SYNPR: variants seen among roughly 807,000 people sequenced by gnomAD.
SYNPR encodes the protein synaptoporin.
SYNPR carries 23 observed loss-of-function variants against 32.9 expected under a neutral mutation model. The observed-to-expected ratio is 0.70, with a 90% CI of 0.50 to 0.99. SYNPR has a LOEUF of 0.99. SYNPR is among the 50% of genes least tolerant of loss of function. SYNPR has a pLI of 0.00. For synonymous variants in SYNPR, 146 were observed against 135.9 expected, an observed-to-expected ratio of 1.07 and a Z score of -0.52; for missense variants, 318 against 349.3, an observed-to-expected ratio of 0.91 and a Z score of 0.71.
At chr3:63,481,447 A>G (rs62252126) in intron 3 of SYNPR, among the ~76,000 whole-genome samples, 63,474 of 134,316 alleles carry the variant, frequency 0.47, 13,505 homozygotes, top group African/African-American at 0.52. Flanking sequence ...ATATATATAT[A>G]TATATGTGTG....
At chr3:63,475,336 G>A (rs1358660192) in intron 2 of SYNPR, among the ~76,000 whole-genome samples, 1 of 152,186 alleles carries the variant, frequency 6.6e-6, no homozygotes, top group Non-Finnish European at 1.5e-5. Flanking sequence ...GGAGGTGAAT[G>A]ATTGGGCCAG....
At chr3:63,262,962 A>G (rs956093646) in intron 2 of SYNPR, among the ~76,000 whole-genome samples, 1 of 152,216 alleles carries the variant, frequency 6.6e-6, no homozygotes, top group Admixed American at 6.5e-5. Context: ...GGATAAGAGA[A>G]GAGACTGAAA....
At chr3:63,539,857 C>G (rs1702268873) in intron 3 of SYNPR, among the ~76,000 whole-genome samples, 2 of 152,138 alleles carry the variant, frequency 1.3e-5, no homozygotes, top group South Asian at 2.1e-4. Context: ...AATCCCCGGA[C>G]AGAGGGCAGA....
intron 2 of SYNPR, among the ~76,000 whole-genome samples, chr3:63,395,836 G>A (rs6807167): frequency 0.41 from 62,452 of 151,718 alleles, 13,187 homozygotes; most frequent in Middle Eastern, 0.49. Context: ...CATCTGGTGG[G>A]TACAAAGTCA....
chr3:63,284,676 G>T (rs974100851), intron 2 of SYNPR, among the ~76,000 whole-genome samples: 4 of 152,066 alleles, frequency 2.6e-5, no homozygotes, highest in Admixed American at 2.6e-4. Context: ...CGTTTTTCAA[G>T]CAAATATCAT....
chr3:63,509,211 A>G (rs920747944), intron 3 of SYNPR, among the ~76,000 whole-genome samples: 1 of 151,302 alleles, frequency 6.6e-6, no homozygotes, highest in Non-Finnish European at 1.5e-5. Flanking sequence ...ATGTATGTGT[A>G]TATACATATG....
intron 1 of SYNPR, among the ~76,000 whole-genome samples, chr3:63,250,818 C>T (rs1255202293): frequency 6.6e-6 from 1 of 152,062 alleles, no homozygotes; most frequent in Non-Finnish European, 1.5e-5. Flanking sequence ...ACTTTTGGTT[C>T]AAGATGATGT....
In SYNPR at chr3:63,240,690, T is replaced by C. The variant is rs2086234776; in HGVS notation, n.67-11809T>C. Among the ~76,000 whole-genome samples the C allele has an allele frequency of 3.3e-5, 5 of 152,122 alleles. No individual in the cohort carries two copies. The South Asian group carries it at 1.0e-3, about 31-fold the overall frequency. ...GAGATATCCATCATTGCGAAGGACA[T>C]TATTGCAAGGGCCATGACCTGCACT... is the stretch of plus-strand genomic sequence containing the variant. On this transcript the variant is annotated intron_variant and non_coding_transcript_variant, in intron 1 of 4. Transcript: ENST00000478456.
intron 2 of SYNPR, among the ~76,000 whole-genome samples, chr3:63,425,057 C>T (rs1173991347): frequency 6.6e-6 from 1 of 152,206 alleles, no homozygotes; most frequent in African/African-American, 2.4e-5. Context: ...TCCTGCTGCC[C>T]TTACCTCTCT....
chr3:63,242,925 A>T (rs2086259249), intron 1 of SYNPR, among the ~76,000 whole-genome samples: 1 of 152,086 alleles, frequency 6.6e-6, no homozygotes. Flanking sequence ...AATAAAAATT[A>T]TAACTCACTG....
At chr3:63,239,268 C>G (rs2086220612) in intron 1 of SYNPR, among the ~76,000 whole-genome samples, 1 of 92,596 alleles carries the variant, frequency 1.1e-5, no homozygotes, top group Non-Finnish European at 2.5e-5. Flanking sequence ...CACACACATC[C>G]TACCATTGTC....
rs2086597174 is a variant in SYNPR at position 63,278,508 on chromosome 3, A to T, written c.-26A>T. 2 of 1,546,454 alleles carry T rather than the reference A, an allele frequency of 1.3e-6. No individual in the cohort carries two copies. The highest frequency in any genetic ancestry group is 4.9e-5 in the East Asian group (2 of 40,780). The stretch of plus-strand genomic sequence containing the variant: ...CTTCATTTTTAAAAAGAACTGGTGG[A>T]TGAGAAGAGCGAGCGAGGGCGAGCT... On this transcript the variant is annotated 5_prime_UTR_variant, in exon 1 of 6. It removes an upstream start codon present in the reference 5' UTR. Coordinates refer to ENST00000478300, the MANE Select transcript of SYNPR (RefSeq NM_001130003.2).
rs138592320 is a variant in SYNPR, at chr3:63,383,287, G to A, written c.85-97545G>A. ...GCACTGGAGGTCAAGGGTTAAATTGGAAAAGAGCATAAAATAAGATGCAAT... is the reference window on the plus strand; with the variant it reads ...GCACTGGAGGTCAAGGGTTAAATTGAAAAAGAGCATAAAATAAGATGCAAT... On this transcript the variant is annotated intron_variant, in intron 2 of 5. Coordinates refer to ENST00000478300, the MANE Select transcript of SYNPR (RefSeq NM_001130003.2). Among the ~76,000 whole-genome samples the A allele has an allele frequency of 2.8e-3, 424 of 152,260 alleles. 1 individual carries two copies. Among genetic ancestry groups the A allele is most frequent in the Non-Finnish European group, 4.5e-3 (309 of 68,012 alleles).
intron 2 of SYNPR, among the ~76,000 whole-genome samples, chr3:63,266,496 A>C (rs1400337197): frequency 6.6e-6 from 1 of 152,028 alleles, no homozygotes; most frequent in Non-Finnish European, 1.5e-5. Flanking sequence ...TGAGGTCAGG[A>C]GTTCGAGACC....
intron 3 of SYNPR, among the ~76,000 whole-genome samples, chr3:63,539,630 A>T (rs1242569422): frequency 6.6e-6 from 1 of 152,144 alleles, no homozygotes; most frequent in Non-Finnish European, 1.5e-5. Flanking sequence ...AGCTATCTTA[A>T]TTTGGGTTTC....
intron 3 of SYNPR, among the ~76,000 whole-genome samples, chr3:63,505,143 T>G (rs1190503769): frequency 1.3e-5 from 2 of 152,126 alleles, no homozygotes; most frequent in African/African-American, 2.4e-5. Context: ...CCAAGCGCTT[T>G]AGACACATGT....
rs1028024033 is a variant in SYNPR, at chr3:63,278,715, C to G, written c.57C>G (p.Pro19=). Residue 19 remains proline, a synonymous_variant, in exon 2 of 6, where the codon CCC becomes CCG. Coordinates refer to ENST00000478300, the MANE Select transcript of SYNPR (RefSeq NM_001130003.2). Reference sequence around the variant, plus strand: ...GCACCTTCCGGGTGCTGAAGGAGCCCCTTGCCTTCCTGCGAGCCCTGGAAT... The same window carrying G: ...GCACCTTCCGGGTGCTGAAGGAGCCGCTTGCCTTCCTGCGAGCCCTGGAAT... ...SAGTFRVLKE[P]LAFLRALELL... 2 of 1,551,566 alleles carry G rather than the reference C, an allele frequency of 1.3e-6. No individual in the cohort carries two copies. Among genetic ancestry groups the G allele is most frequent in the African/African-American group, 1.4e-5 (1 of 73,050 alleles).
At position 63,469,270 on chromosome 3, in the gene SYNPR, A is replaced by C. The variant is rs150906203; in HGVS notation, c.85-11562A>C. Among the ~76,000 whole-genome samples, 1,054 of 152,176 alleles carry C rather than the reference A, an allele frequency of 6.9e-3. 8 individuals are homozygous for C. Among genetic ancestry groups the C allele is most frequent in the African/African-American group, 0.024 (985 of 41,494 alleles). On this transcript the variant is annotated intron_variant, in intron 2 of 5. Coordinates refer to ENST00000478300, the MANE Select transcript of SYNPR (RefSeq NM_001130003.2). ...ATTCAGTCATTCTGTATTATCATGA[A>C]AGCACAGCTTCTGGCAAGGGGTAGT...
chr3:63,442,951 A>T, intron 2 of SYNPR: 1 of 891,748 alleles, frequency 1.1e-6, no homozygotes, highest in Non-Finnish European at 1.3e-6. Context: ...CCATACCCTT[A>T]AAACACAAAA....
Sources: gnomAD v4.1 joint callset for allele counts (sites outside exome capture counted in the v4.1 genomes callset) on GRCh38, gnomAD v4.1.1 for gene constraint, MANE v1.5 for transcripts, NCBI Gene and HGNC (gene_info 2026-07-23, HGNC 2026-07-21) for gene names.